The following DOP1B variants were observed in gnomAD, a reference collection of about 807,000 sequenced individuals.
The protein encoded by DOP1B is protein DOP1B.
In DOP1B, 174 loss-of-function variants were observed where a neutral mutation model predicts 233.5. That is an observed-to-expected ratio of 0.75 (90% CI 0.66 to 0.85). The LOEUF is 0.85. Among genes scored for constraint, DOP1B ranks in the 40% least tolerant of loss-of-function variants. DOP1B has a pLI of 0.00. For missense variants in DOP1B, 2,652 were observed against 2,846.6 expected (o/e 0.93, Z 1.56); for synonymous variants, 1,190 against 1,185.6 (o/e 1.00, Z -0.08).
At chr21:36,199,737 TC>T in intron 3 of DOP1B, among the ~76,000 whole-genome samples, 1 of 152,342 alleles carries the variant, frequency 6.6e-6, no homozygotes, top group African/African-American at 2.4e-5. Context: ...GTTTCCAGCT[TC>T]ATCCATGTCC....
In DOP1B at chr21:36,258,112, G is replaced by C. The variant is rs148451982; in HGVS notation, c.5260-2565G>C. Among the ~76,000 whole-genome samples, 848 of 152,188 alleles carry C rather than the reference G, an allele frequency of 5.6e-3. 8 individuals carry two copies. Among genetic ancestry groups the C allele is most frequent in the African/African-American group, 0.015 (613 of 41,502 alleles). ...ATAGATAGATGTAGGTAGGTAGATAGATATTATGATTTTAGAGTGTTAAAG... is the reference window on the plus strand; with the variant it reads ...ATAGATAGATGTAGGTAGGTAGATACATATTATGATTTTAGAGTGTTAAAG... On this transcript the variant is annotated intron_variant, in intron 23 of 36. Transcript: ENST00000691173.
In DOP1B at chr21:36,256,470, G is replaced by A. The variant is rs1003263166; in HGVS notation, c.5259+2561G>A. ...AAAGAAAATTCGTGCAATGGAAAAA[G>A]TGATTATTAAAAAATATAGCTATAC... On this transcript the variant is annotated intron_variant, in intron 23 of 36. Transcript: ENST00000691173. 9.9e-5 allele frequency among the ~76,000 whole-genome samples: 15 copies of A among 152,144 alleles called. No homozygotes were observed. In the East Asian group the frequency reaches 2.7e-3, roughly 27 times the overall value.
At chr21:36,162,218 A>C (rs7275433) in intron 1 of DOP1B, among the ~76,000 whole-genome samples, 46,193 of 152,036 alleles carry the variant, frequency 0.3, 7,506 homozygotes, top group South Asian at 0.5. Context: ...TGTTTGAGAC[A>C]GGGTCTCATT....
intron 2 of DOP1B, among the ~76,000 whole-genome samples, chr21:36,178,957 C>T (rs1042828785): frequency 5.3e-5 from 8 of 152,188 alleles, no homozygotes; most frequent in African/African-American, 1.9e-4. Context: ...GTCCTTTTGT[C>T]GTCTCCCTCC....
chr21:36,191,602 A>AT (rs756266807), intron 2 of DOP1B, among the ~76,000 whole-genome samples: 3 of 152,216 alleles, frequency 2.0e-5, no homozygotes, highest in Non-Finnish European at 4.4e-5. Flanking sequence ...TCTGGCCAAC[A>AT]TAGTGAAACC....
intron 32 of DOP1B, among the ~76,000 whole-genome samples, chr21:36,282,331 T>C (rs1360035059): frequency 6.6e-6 from 1 of 152,058 alleles, no homozygotes; most frequent in Non-Finnish European, 1.5e-5. Context: ...GGCAGGAGTA[T>C]CACTTAAACC....
At chr21:36,275,853 A>G (rs1202029803) in intron 27 of DOP1B, among the ~76,000 whole-genome samples, 2 of 152,090 alleles carry the variant, frequency 1.3e-5, no homozygotes, top group African/African-American at 4.8e-5. Context: ...GAAAGAAGCA[A>G]AGGAGTGAAG....
chr21:36,238,548 C>T (rs2066853411), intron 16 of DOP1B, 53 bp from the exon 17 acceptor site: 1 of 1,464,812 alleles, frequency 6.8e-7, no homozygotes, highest in Non-Finnish European at 9.6e-7. Context: ...TGACTGAAGA[C>T]AGTGGTCAGT....
At chr21:36,167,268 G>A (rs9305580) in intron 2 of DOP1B, among the ~76,000 whole-genome samples, 113,322 of 152,030 alleles carry the variant, frequency 0.75, 42,506 homozygotes, top group East Asian at 0.84. Context: ...AGCCTCCCAG[G>A]TTCAAGCGAT....
At chr21:36,168,888 CT>C in intron 2 of DOP1B, 1 of 451,040 alleles carries the variant, frequency 2.2e-6, no homozygotes, top group Non-Finnish European at 4.0e-6. Context: ...TGGTCTCTCC[CT>C]GTGGGTTTTT....
chr21:36,205,216 C>T (rs1308202103), intron 4 of DOP1B, among the ~76,000 whole-genome samples: 1 of 152,208 alleles, frequency 6.6e-6, no homozygotes, highest in East Asian at 1.9e-4. Flanking sequence ...CGGTGCCCGG[C>T]CCATGCCACT....
At chr21:36,170,914 A>G (rs1318110485) in intron 2 of DOP1B, among the ~76,000 whole-genome samples, 2 of 152,020 alleles carry the variant, frequency 1.3e-5, no homozygotes. Context: ...TTAACTGTTG[A>G]GTTTAAGCAG....
intron 24 of DOP1B, chr21:36,261,772 T>A: frequency 3.2e-6 from 2 of 627,774 alleles, no homozygotes; most frequent in Non-Finnish European, 4.0e-6. Flanking sequence ...AGCCAGGGCT[T>A]GGTGGCAGCA....
intron 10 of DOP1B, 120 bp from the exon 11 acceptor site, chr21:36,223,111 G>A: frequency 1.0e-6 from 1 of 954,998 alleles, no homozygotes; most frequent in South Asian, 1.7e-5. Context: ...TTTTATCAGG[G>A]TGTGTCAGCT....
chr21:36,162,616 C>G (rs2065878775), intron 1 of DOP1B, among the ~76,000 whole-genome samples: 1 of 152,180 alleles, frequency 6.6e-6, no homozygotes, highest in Non-Finnish European at 1.5e-5. Flanking sequence ...TCTCACCTCA[C>G]TGCAACCTCC....
chr21:36,238,896 A>T (rs2066858379), intron 17 of DOP1B, among the ~76,000 whole-genome samples, 195 bp downstream of exon 17: 1 of 152,172 alleles, frequency 6.6e-6, no homozygotes. Context: ...TGAGGCCTGG[A>T]GTTAGAGACC....
intron 23 of DOP1B, among the ~76,000 whole-genome samples, chr21:36,257,596 TGATAGATAGATAGATAGATA>T (rs34032773): frequency 3.5e-4 from 53 of 150,196 alleles, no homozygotes; most frequent in South Asian, 6.4e-4. Flanking sequence ...CGTAGATAGA[TGATAGATAGATAGATAGATA>T]GATAGATAGA....
intron 5 of DOP1B, 49 bp from the exon 6 acceptor site, chr21:36,211,504 G>A: frequency 6.4e-7 from 1 of 1,553,314 alleles, no homozygotes; most frequent in Non-Finnish European, 8.9e-7. Flanking sequence ...TCGTTTTTAT[G>A]ACCATAAAGA....
rs775847530 is a variant in DOP1B, at chr21:36,219,467, A to T, written c.1225A>T (p.Thr409Ser). 1 of 1,614,056 alleles carries T rather than the reference A, an allele frequency of 6.2e-7. No homozygotes were observed. Among genetic ancestry groups the T allele is most frequent in the Non-Finnish European group, 8.5e-7 (1 of 1,180,004 alleles). The change falls in exon 10 of 37, where the codon ACC (threonine) becomes TCC (serine). Residue 409 changes from threonine to serine, a missense_variant. Physicochemically the swap from Thr to Ser is moderately conservative, Grantham distance 58. Transcript: ENST00000691173. ...ALGSDLKLSY[T>S]QSGNSLISAI... Reference sequence around the variant, plus strand: ...TGGCTCTGATCTTAAACTTAGCTACACCCAGAGTGGAAATTCGCTGATAAG... The same window carrying T: ...TGGCTCTGATCTTAAACTTAGCTACTCCCAGAGTGGAAATTCGCTGATAAG...
Sources: gnomAD v4.1 joint callset for allele counts (sites outside exome capture counted in the v4.1 genomes callset) on GRCh38, gnomAD v4.1.1 for gene constraint, MANE v1.5 for transcripts, NCBI Gene and HGNC (gene_info 2026-07-23, HGNC 2026-07-21) for gene names.